The following LHPP variants were observed in gnomAD, a reference collection of about 807,000 sequenced individuals.
LHPP encodes phospholysine phosphohistidine inorganic pyrophosphate phosphatase.
LHPP carries 24 observed loss-of-function variants against 30.3 expected under a neutral mutation model. That is an observed-to-expected ratio of 0.79 (90% CI 0.57 to 1.11). The LOEUF (loss-of-function observed/expected upper bound fraction) is 1.11. Ranked by LOEUF, LHPP falls within the 50% of genes most tolerant of loss-of-function variation. The pLI, the probability that LHPP is intolerant of heterozygous loss-of-function variation, is 0.00. For synonymous variants in LHPP, 150 were observed against 157.1 expected, an observed-to-expected ratio of 0.95 and a Z score of 0.34; for missense variants, 356 against 367.2, an observed-to-expected ratio of 0.97 and a Z score of 0.25.
intron 5 of LHPP, among the ~76,000 whole-genome samples, chr10:124,515,528 T>C (rs1300057816): frequency 6.6e-6 from 1 of 152,218 alleles, no homozygotes; most frequent in Non-Finnish European, 1.5e-5. Flanking sequence ...CTGATCATTT[T>C]TTATTGGGTG....
intron 1 of LHPP, among the ~76,000 whole-genome samples, chr10:124,471,402 T>A (rs201851456): frequency 5.1e-4 from 26 of 50,854 alleles, no homozygotes; most frequent in Middle Eastern, 7.1e-3. Flanking sequence ...ATATATATAA[T>A]ATATATATTT....
At chr10:124,520,862 C>G (rs2133916088) in intron 6 of LHPP, among the ~76,000 whole-genome samples, 2 of 152,326 alleles carry the variant, frequency 1.3e-5, no homozygotes, top group South Asian at 4.1e-4. Context: ...CACTGGATTT[C>G]AGAGACTGGG....
At chr10:124,584,345 C>T (rs76395811) in intron 6 of LHPP, among the ~76,000 whole-genome samples, 19,735 of 141,678 alleles carry the variant, frequency 0.14, 1,765 homozygotes, top group Non-Finnish European at 0.2. Context: ...GCCTGGGCAA[C>T]AGAGCGAGAC....
intron 6 of LHPP, chr10:124,526,337 C>A: frequency 1.7e-6 from 1 of 603,900 alleles, no homozygotes; most frequent in Non-Finnish European, 2.1e-6. Context: ...CCTGCAACAG[C>A]CCAGAGAAGC....
intron 6 of LHPP, among the ~76,000 whole-genome samples, chr10:124,524,275 ATT>A (rs59957047): frequency 0.078 from 9,855 of 125,796 alleles, 586 homozygotes; most frequent in African/African-American, 0.23. Flanking sequence ...TTTTGTTTTC[ATT>A]TTTTTTTTTT....
intron 1 of LHPP, among the ~76,000 whole-genome samples, chr10:124,470,278 C>T (rs1435217773): frequency 1.3e-5 from 2 of 152,186 alleles, no homozygotes; most frequent in African/African-American, 4.8e-5. Flanking sequence ...CACTAAAGCA[C>T]ATCTGCTGGG....
At chr10:124,570,938 C>T (rs76540852) in intron 6 of LHPP, among the ~76,000 whole-genome samples, 2,579 of 152,244 alleles carry the variant, frequency 0.017, 61 homozygotes, top group African/African-American at 0.057. Flanking sequence ...GTCTCGAATT[C>T]CCATGTGTTG....
chr10:124,521,349 C>G (rs948559130), intron 6 of LHPP, among the ~76,000 whole-genome samples: 1 of 152,264 alleles, frequency 6.6e-6, no homozygotes, highest in African/African-American at 2.4e-5. Flanking sequence ...CCACCCCCAG[C>G]CCTCTGGCAC....
chr10:124,611,874 G>C (rs748402079), intron 6 of LHPP, among the ~76,000 whole-genome samples: 1 of 152,238 alleles, frequency 6.6e-6, no homozygotes, highest in African/African-American at 2.4e-5. Context: ...GGGCGCTGCT[G>C]CCGGGAGACT....
At chr10:124,521,727 G>A (rs1032343721) in intron 6 of LHPP, among the ~76,000 whole-genome samples, 3 of 152,184 alleles carry the variant, frequency 2.0e-5, no homozygotes, top group African/African-American at 7.2e-5. Context: ...TGGGGGCAGC[G>A]GTCAGTCCTG....
At chr10:124,548,036 T>C (rs1417999880) in intron 6 of LHPP, among the ~76,000 whole-genome samples, 1 of 152,138 alleles carries the variant, frequency 6.6e-6, no homozygotes, top group Admixed American at 6.5e-5. Context: ...GTGTTCCGAG[T>C]TCTCCGGTCA....
In LHPP at chr10:124,523,329, A is replaced by G. The variant is rs1417284574; in HGVS notation, c.716+6058A>G. 1.3e-5 allele frequency among the ~76,000 whole-genome samples: 2 copies of G among 152,190 alleles called. No homozygotes were observed. The highest frequency in any genetic ancestry group is 4.8e-5 in the African/African-American group (2 of 41,454). On this transcript the variant is annotated intron_variant, in intron 6 of 6. Coordinates refer to ENST00000368842, the MANE Select transcript of LHPP (RefSeq NM_022126.4). The surrounding 1 kb of genome is among the most constrained non-coding windows in gnomAD (Gnocchi z 4.2). ...CCCCAGTGGGGTGGCCAGCCGATCTAGGATTCCAGCCGCCTTGCACAAAGC... is the reference window on the plus strand; with the variant it reads ...CCCCAGTGGGGTGGCCAGCCGATCTGGGATTCCAGCCGCCTTGCACAAAGC...
At chr10:124,497,317 G>T (rs971956381) in intron 4 of LHPP, among the ~76,000 whole-genome samples, 1 of 31,846 alleles carries the variant, frequency 3.1e-5, no homozygotes, top group African/African-American at 8.9e-5. Flanking sequence ...AGCCCCCCCT[G>T]CCCGCCGTGG....
rs376542560 is a variant in LHPP, at chr10:124,551,457, G to A, written c.716+34186G>A. On this transcript the variant is annotated intron_variant, in intron 6 of 6. Transcript: ENST00000368842. Reference sequence around the variant, plus strand: ...TTGCTCACGCTGCCTGCTCTGCAGGGTGGGGGCGGGGGGGCAGAGCCTGCC... The same window carrying A: ...TTGCTCACGCTGCCTGCTCTGCAGGATGGGGGCGGGGGGGCAGAGCCTGCC... 2.7e-4 allele frequency among the ~76,000 whole-genome samples: 41 copies of A among 152,308 alleles called. 1 individual carries two copies. The South Asian group carries it at 8.5e-3, about 32-fold the overall frequency.
chr10:124,608,661 TTCTGGTTTTGTC>T (rs1949126568), intron 6 of LHPP, among the ~76,000 whole-genome samples: 1 of 151,880 alleles, frequency 6.6e-6, no homozygotes, highest in South Asian at 2.1e-4. Flanking sequence ...TAGCCAGCCG[TTCTGGTTTTGTC>T]TCTGTCTCGC....
At position 124,496,623 on chromosome 10, in the gene LHPP, C is replaced by T. The variant is rs898780597; in HGVS notation, c.468-338C>T. ...CAGGACACAGGTCACTTGTCATTCT[C>T]TGTGTTAGCAACTGAAACCGTCTGC... On this transcript the variant is annotated intron_variant, in intron 3 of 6. Transcript: ENST00000368842. The surrounding 1 kb of genome is among the most constrained non-coding windows in gnomAD (Gnocchi z 4.3). Among the ~76,000 whole-genome samples, 1 of 152,226 alleles carries T rather than the reference C, an allele frequency of 6.6e-6. No individual in the cohort carries two copies. Among genetic ancestry groups the T allele is most frequent in the African/African-American group, 2.4e-5 (1 of 41,458 alleles).
chr10:124,608,247 C>T (rs1303958660), intron 6 of LHPP, among the ~76,000 whole-genome samples: 6 of 152,146 alleles, frequency 3.9e-5, no homozygotes, highest in African/African-American at 7.2e-5. Context: ...GTAGCCCACA[C>T]ATCAGTGTGT....
Position 124,547,043 on chromosome 10 carries a change from G to A in LHPP, c.716+29772G>A, listed in dbSNP as rs9328557. ...TCTGCACACACACACGCACACGCGC[G>A]CACACACACAGGAGGTTGTCCTGTT... On this transcript the variant is annotated intron_variant, in intron 6 of 6. Transcript: ENST00000368842. Among the ~76,000 whole-genome samples, 104 of 151,626 alleles carry A rather than the reference G, an allele frequency of 6.9e-4. 1 individual carries two copies. The Middle Eastern group carries it at 0.017, about 25-fold the overall frequency.
At chr10:124,475,846 A>G (rs1185293211) in intron 1 of LHPP, among the ~76,000 whole-genome samples, 1 of 152,152 alleles carries the variant, frequency 6.6e-6, no homozygotes, top group East Asian at 1.9e-4. Context: ...CCCACATGCC[A>G]CGAGGCATTT....
Sources: gnomAD v4.1 joint callset for allele counts (sites outside exome capture counted in the v4.1 genomes callset) on GRCh38, gnomAD v4.1.1 for gene constraint, Gnocchi (gnomAD v3.1) non-coding constraint, MANE v1.5 for transcripts, NCBI Gene and HGNC (gene_info 2026-07-23, HGNC 2026-07-21) for gene names.